PDE1C: variants seen among roughly 807,000 people sequenced by gnomAD.
PDE1C encodes phosphodiesterase 1C.
PDE1C carries 62 observed loss-of-function variants against 93.1 expected under a neutral mutation model. That is an observed-to-expected ratio of 0.67 (90% CI 0.54 to 0.82). The LOEUF is 0.82. PDE1C is among the 40% of genes least tolerant of loss of function. The pLI is 0.00. For synonymous variants in PDE1C, 325 were observed against 310.1 expected, an observed-to-expected ratio of 1.05 and a Z score of -0.50; for missense variants, 742 against 884.6, an observed-to-expected ratio of 0.84 and a Z score of 2.04.
intron 2 of PDE1C, among the ~76,000 whole-genome samples, chr7:32,039,492 C>A (rs192370335): frequency 1.3e-5 from 2 of 152,178 alleles, no homozygotes; most frequent in African/African-American, 4.8e-5. Context: ...GAAAAGTCAA[C>A]ACAAAGTCCT....
chr7:31,765,599 A>C (rs1019386747), intron 17 of PDE1C, among the ~76,000 whole-genome samples: 2 of 152,210 alleles, frequency 1.3e-5, no homozygotes, highest in African/African-American at 4.8e-5. Flanking sequence ...ACATTTCTTC[A>C]AGGTGATAGA....
At chr7:32,129,559 T>C (rs1799809394) in intron 3 of PDE1C, among the ~76,000 whole-genome samples, 1 of 151,880 alleles carries the variant, frequency 6.6e-6, no homozygotes, top group Admixed American at 6.6e-5. Flanking sequence ...CTCAAGTTTC[T>C]CTTTGTCATG....
chr7:32,006,728 T>A (rs1786317248), intron 2 of PDE1C, among the ~76,000 whole-genome samples: 1 of 152,246 alleles, frequency 6.6e-6, no homozygotes, highest in African/African-American at 2.4e-5. Context: ...ACGTGGTTGA[T>A]GCTGGCAAAG....
intron 3 of PDE1C, among the ~76,000 whole-genome samples, chr7:32,079,288 A>T (rs1233997085): frequency 6.6e-6 from 1 of 152,234 alleles, no homozygotes; most frequent in Non-Finnish European, 1.5e-5. Context: ...TCTTTAATCT[A>T]ATTGGGAAAA....
Position 32,088,004 on chromosome 7 carries a change from TAATAA to T in PDE1C, c.308+81776_308+81780del, listed in dbSNP as rs1019384959. On this transcript the variant is annotated intron_variant, in intron 3 of 18. Transcript: ENST00000396193. ...TACCCTAAAACTTAAAGTATAATAA[TAATAA>T]AATAAAAAAATAAAAAATAAAAAAA... Among the ~76,000 whole-genome samples the T allele has an allele frequency of 5.4e-5, 8 of 147,280 alleles. No homozygotes were observed. In the East Asian group the frequency reaches 1.1e-3, roughly 20 times the overall value.
intron 1 of PDE1C, among the ~76,000 whole-genome samples, chr7:32,067,866 T>C (rs954299369): frequency 6.6e-6 from 1 of 152,232 alleles, no homozygotes; most frequent in Non-Finnish European, 1.5e-5. Flanking sequence ...CACCTATTGA[T>C]TGAGCATCTA....
At chr7:32,141,835 G>A (rs1438859849) in intron 3 of PDE1C, among the ~76,000 whole-genome samples, 3 of 152,176 alleles carry the variant, frequency 2.0e-5, no homozygotes, top group Non-Finnish European at 2.9e-5. Flanking sequence ...AGAAATATAA[G>A]ATGTTAACGT....
At chr7:31,881,216 T>G (rs1180031450) in intron 2 of PDE1C, among the ~76,000 whole-genome samples, 3 of 152,150 alleles carry the variant, frequency 2.0e-5, no homozygotes, top group Non-Finnish European at 4.4e-5. Flanking sequence ...AAATACCTCT[T>G]GAGATTCTGC....
rs73306170 is a variant in PDE1C at position 32,368,447 on chromosome 7, G to T, written c.310+59375C>A. Among the ~76,000 whole-genome samples the T allele has an allele frequency of 6.6e-3, 998 of 152,048 alleles. 10 individuals carry two copies. Among genetic ancestry groups the T allele is most frequent in the African/African-American group, 0.023 (937 of 41,470 alleles). On this transcript the variant is annotated intron_variant, in intron 1 of 1. Transcript: ENST00000672256. ...AAAATGTCTGGGAATAAGGAACCAA[G>T]GAAGTGAAAGACTTCTACAAGAAAA...
intron 3 of PDE1C, among the ~76,000 whole-genome samples, chr7:32,125,975 T>C (rs1213417665): frequency 1.3e-5 from 2 of 152,074 alleles, no homozygotes; most frequent in East Asian, 3.9e-4. Flanking sequence ...GTAAACTTAA[T>C]AGATGCAGAA....
chr7:32,329,652 A>G (rs1004988635), intron 1 of PDE1C, among the ~76,000 whole-genome samples: 2 of 152,246 alleles, frequency 1.3e-5, no homozygotes, highest in African/African-American at 4.8e-5. Flanking sequence ...TGAAAAATTA[A>G]TAAGAGAAAA....
intron 3 of PDE1C, among the ~76,000 whole-genome samples, chr7:32,119,939 G>A (rs916455773): frequency 3.3e-5 from 5 of 152,220 alleles, no homozygotes; most frequent in African/African-American, 1.2e-4. Context: ...AGCTCCTTGG[G>A]AGAGGGGCCA....
chr7:31,765,294 C>T (rs1055551317), intron 17 of PDE1C, among the ~76,000 whole-genome samples: 1 of 152,106 alleles, frequency 6.6e-6, no homozygotes, highest in African/African-American at 2.4e-5. Context: ...AAAATGAACT[C>T]CCTCAAGGTG....
At chr7:31,622,475 A>G in the PDE1C span, among the ~76,000 whole-genome samples, 1 of 150,516 alleles carries the variant, frequency 6.6e-6, no homozygotes, top group Non-Finnish European at 1.5e-5. Flanking sequence ...GCTCAACTAC[A>G]TGGAAACTGA....
intron 1 of PDE1C, among the ~76,000 whole-genome samples, chr7:32,315,519 A>G (rs1783150045): frequency 6.6e-6 from 1 of 152,214 alleles, no homozygotes; most frequent in Non-Finnish European, 1.5e-5. Context: ...TCTTATGAAC[A>G]TATCCTGACT....
chr7:31,837,230 C>G lies in PDE1C; in HGVS notation c.1153G>C (p.Asp385His). 6.2e-7 allele frequency: 1 copy of G among 1,613,798 alleles called. No individual in the cohort carries two copies. Among genetic ancestry groups the G allele is most frequent in the Non-Finnish European group, 8.5e-7 (1 of 1,179,810 alleles). ...GACATTGTCCAGCGATGATGGAGGT[C>G]CCATGCTTTTGCTGGATGGCTAATA... ...ADISHPAKAWDLHHRWTMSLL... is the reference protein window; with the variant it reads ...ADISHPAKAWHLHHRWTMSLL... The change falls in exon 11 of 18, where the codon GAC (aspartate) becomes CAC (histidine). Residue 385 changes from aspartate (D) to histidine (H), a missense_variant. By Grantham distance (81) the Asp-to-His change is moderately conservative. Around this residue, in one of 4 missense-constraint regions of PDE1C, gnomAD observed 454 missense variants for 459.4 expected, o/e 0.99. Transcript: ENST00000396191.
chr7:31,718,056 G>C, the PDE1C span, among the ~76,000 whole-genome samples: 1 of 152,170 alleles, frequency 6.6e-6, no homozygotes, highest in African/African-American at 2.4e-5. Context: ...GTGACCCCCT[G>C]AGGTTCCAGG....
chr7:32,420,158 CATATATATGTGTATATATAT>C lies in PDE1C; in HGVS notation c.310+7644_310+7663del, dbSNP rs1208704113. ...ACACACACACACACACACACACACA[CATATATATGTGTATATATAT>C]ACACATATATATGTGTATATATATA... On this transcript the variant is annotated intron_variant, in intron 1 of 1. Coordinates refer to the PDE1C transcript ENST00000672256. Among the ~76,000 whole-genome samples, 85 of 40,104 alleles carry C rather than the reference CATATATATGTGTATATATAT, an allele frequency of 2.1e-3. 16 individuals are homozygous for C. The highest frequency in any genetic ancestry group is 2.9e-3 in the Non-Finnish European group (60 of 20,548). 26.3% of individuals were successfully genotyped at this position (40,104 alleles called of 152,430 possible).
chr7:31,660,255 T>A, the PDE1C span, among the ~76,000 whole-genome samples: 2 of 152,196 alleles, frequency 1.3e-5, no homozygotes, highest in Admixed American at 1.3e-4. Flanking sequence ...CACTGTCACT[T>A]TTCTATAAAT....
Sources: allele counts gnomAD v4.1 joint callset (sites outside exome capture counted in the v4.1 genomes callset), GRCh38; gene constraint gnomAD v4.1.1; regional missense constraint gnomAD v4.1.1; transcripts MANE v1.5; gene names NCBI Gene and HGNC (gene_info 2026-07-23, HGNC 2026-07-21).